Variants in NT5DC4 observed in about 807,000 individuals in gnomAD.
The protein encoded by NT5DC4 is 5'-nucleotidase domain-containing protein 4.
NT5DC4 carries 44 observed loss-of-function variants against 26.6 expected under a neutral mutation model. The observed-to-expected ratio is 1.65, with a 90% CI of 1.30 to 2.13. The LOEUF (loss-of-function observed/expected upper bound fraction) is 2.13, where lower values mean the gene tolerates loss of function less well. Among genes scored for constraint, NT5DC4 ranks in the 30% most tolerant of loss-of-function variants. The pLI, the probability that NT5DC4 is intolerant of heterozygous loss-of-function variation, is 0.00. For missense variants in NT5DC4, 399 were observed against 228.1 expected (o/e 1.75, Z -4.83); for synonymous variants, 157 against 86.7 (o/e 1.81, Z -4.51).
upstream of NT5DC4, among the ~76,000 whole-genome samples, chr2:112,719,020 G>A (rs925887511): frequency 2.0e-5 from 3 of 152,152 alleles, no homozygotes; most frequent in African/African-American, 7.2e-5. Flanking sequence ...ACAGTCATGC[G>A]GGGCTTGACC....
At chr2:112,739,404 T>C (rs1394513430), downstream of NT5DC4, among the ~76,000 whole-genome samples, 1 of 152,136 alleles carries the variant, frequency 6.6e-6, no homozygotes, top group Admixed American at 6.6e-5. Flanking sequence ...CTGGGCAACA[T>C]GGCAAGACCC....
intron 16 of NT5DC4, 51 bp from the exon 17 acceptor site, chr2:112,738,862 C>T (rs370545195): frequency 2.3e-5 from 37 of 1,613,024 alleles, no homozygotes; most frequent in African/African-American, 1.6e-4. Context: ...TTACAGGCAG[C>T]GCCTCATTTC....
intron 16 of NT5DC4, among the ~76,000 whole-genome samples, chr2:112,730,777 C>T (rs534031400): frequency 6.6e-6 from 1 of 152,322 alleles, no homozygotes; most frequent in South Asian, 2.1e-4. Flanking sequence ...GTGTGCCGGG[C>T]AGTTTAGAAA....
intron 16 of NT5DC4, among the ~76,000 whole-genome samples, chr2:112,733,865 T>C (rs1210291593): frequency 6.6e-6 from 1 of 152,200 alleles, no homozygotes; most frequent in Non-Finnish European, 1.5e-5. Context: ...TAAATGACAG[T>C]ACTTTGGCTG....
chr2:112,734,094 G>A (rs1456934267), intron 16 of NT5DC4, among the ~76,000 whole-genome samples: 1 of 151,326 alleles, frequency 6.6e-6, no homozygotes, highest in Non-Finnish European at 1.5e-5. Context: ...GCTATTATAA[G>A]GATATAGTGA....
In NT5DC4 at chr2:112,721,413, T is replaced by C. The variant is rs956565862; in HGVS notation, c.74+260T>C. The C allele has an allele frequency of 5.6e-6, 4 of 710,802 alleles. No individual in the cohort carries two copies. In the East Asian group the frequency reaches 1.1e-4, roughly 19 times the overall value. The allele number at this position is 710,802 out of a possible 1,614,324, so 44.0% of individuals were successfully genotyped here. On this transcript the variant is annotated intron_variant, in intron 1 of 16. Coordinates refer to ENST00000688554, the MANE Select transcript of NT5DC4 (RefSeq NM_001393655.1). ...CCCCTTCACCACGGACACAGTGACATGTGCTATCCAATTGTGACAAACACA... is the reference window on the plus strand; with the variant it reads ...CCCCTTCACCACGGACACAGTGACACGTGCTATCCAATTGTGACAAACACA...
intron 16 of NT5DC4, 80 bp from the exon 17 acceptor site, chr2:112,738,833 G>C: frequency 1.3e-6 from 2 of 1,599,218 alleles, no homozygotes; most frequent in Non-Finnish European, 1.7e-6. Flanking sequence ...TTATGATTCA[G>C]GGGTTTGAAA....
intron 12 of NT5DC4, 66 bp downstream of exon 12, chr2:112,725,306 C>A (rs1004762376): frequency 4.3e-6 from 3 of 693,366 alleles, no homozygotes; most frequent in Admixed American, 2.0e-5. Context: ...GGAGCCCAGG[C>A]CCCTCACCTG....
chr2:112,734,169 A>ATATGTGTG (rs150412692), intron 16 of NT5DC4, among the ~76,000 whole-genome samples: 18,969 of 134,764 alleles, frequency 0.14, 1,467 homozygotes, highest in Admixed American at 0.18. Context: ...TATTATATAT[A>ATATGTGTG]TGTGTGTGTG....
rs779347679 is a variant in NT5DC4 at position 112,722,174 on chromosome 2, C to T, written c.267-9C>T. 45 of 713,522 alleles carry T rather than the reference C, an allele frequency of 6.3e-5. No homozygotes were observed. Among genetic ancestry groups the T allele is most frequent in the African/African-American group, 5.5e-4 (31 of 56,716 alleles). 44.2% of individuals were successfully genotyped at this position (713,522 alleles called of 1,614,324 possible). A position where few individuals can be genotyped will look rare whatever the true frequency, so the allele number is the denominator to read the frequency against. On this transcript the variant is annotated splice_polypyrimidine_tract_variant and intron_variant, in intron 3 of 16. Coordinates refer to ENST00000688554, the MANE Select transcript of NT5DC4 (RefSeq NM_001393655.1). Reference sequence around the variant, plus strand: ...CCACCCACAGTGCCCCCCGACCCCCCGTCTGCAGGCGGCTGGTGTTCGATG... The same window carrying T: ...CCACCCACAGTGCCCCCCGACCCCCTGTCTGCAGGCGGCTGGTGTTCGATG...
At chr2:112,734,899 AG>A (rs1189517102) in intron 16 of NT5DC4, among the ~76,000 whole-genome samples, 1 of 152,170 alleles carries the variant, frequency 6.6e-6, no homozygotes, top group Non-Finnish European at 1.5e-5. Context: ...TACGTTGGCC[AG>A]GCTGGTCTTG....
At chr2:112,719,925 TC>T (rs1287783729), upstream of NT5DC4, among the ~76,000 whole-genome samples, 5 of 16,274 alleles carry the variant, frequency 3.1e-4, no homozygotes, top group African/African-American at 1.0e-3. Flanking sequence ...TCTTTCTTTC[TC>T]TTTCTTTCTT....
At chr2:112,728,920 G>A (rs1678107789) in intron 15 of NT5DC4, among the ~76,000 whole-genome samples, 1 of 152,156 alleles carries the variant, frequency 6.6e-6, no homozygotes, top group South Asian at 2.1e-4. Flanking sequence ...CTTTCACCGG[G>A]CGGCCTCATC....
chr2:112,734,672 T>A (rs1678878295), intron 16 of NT5DC4, among the ~76,000 whole-genome samples: 1 of 152,102 alleles, frequency 6.6e-6, no homozygotes, highest in Admixed American at 6.6e-5. Context: ...CAGCAGGAAA[T>A]GGGTGGTAGT....
chr2:112,735,801 ACT>A (rs965554370), intron 16 of NT5DC4, among the ~76,000 whole-genome samples: 37 of 152,204 alleles, frequency 2.4e-4, no homozygotes, highest in African/African-American at 8.9e-4. Context: ...TGTCTGCAAG[ACT>A]CTATAGTCTG....
At position 112,722,302 on chromosome 2, in the gene NT5DC4, A is replaced by C. The variant is rs1235137226; in HGVS notation, c.362+24A>C. 4 of 716,636 alleles carry C rather than the reference A, an allele frequency of 5.6e-6. No homozygotes were observed. The Admixed American group carries it at 8.0e-5, about 14-fold the overall frequency. 44.4% of individuals were successfully genotyped at this position (716,636 alleles called of 1,614,324 possible). ...GAGTAAGGGACAAAGGTGCCGGGAG[A>C]GTGGCAGGCCAGGAGGGGAGGACTG... is the stretch of plus-strand genomic sequence containing the variant. On this transcript the variant is annotated intron_variant, in intron 4 of 16. Transcript: ENST00000688554.
chr2:112,735,586 CACT>C (rs1299138410), intron 16 of NT5DC4, among the ~76,000 whole-genome samples: 5 of 151,880 alleles, frequency 3.3e-5, no homozygotes, highest in African/African-American at 1.2e-4. Flanking sequence ...CCCATATTTC[CACT>C]ACAATTCCCT....
chr2:112,720,143 C>A (rs1199831564), upstream of NT5DC4, among the ~76,000 whole-genome samples: 1 of 150,678 alleles, frequency 6.6e-6, no homozygotes, highest in South Asian at 2.1e-4. Context: ...TGGGTTCAAG[C>A]AATTCTCCTG....
At chr2:112,739,361 C>T (rs1434955448), downstream of NT5DC4, among the ~76,000 whole-genome samples, 3 of 152,098 alleles carry the variant, frequency 2.0e-5, no homozygotes, top group Non-Finnish European at 4.4e-5. Context: ...GTCAAGGCTG[C>T]AGTGAGCTAT....
Sources: gnomAD v4.1 joint callset for allele counts (sites outside exome capture counted in the v4.1 genomes callset) on GRCh38, gnomAD v4.1.1 for gene constraint, MANE v1.5 for transcripts, NCBI Gene and HGNC (gene_info 2026-07-23, HGNC 2026-07-21) for gene names.